SYNE2: variants seen among roughly 807,000 people sequenced by gnomAD.
SYNE2 encodes spectrin repeat containing nuclear envelope protein 2.
SYNE2 carries 431 observed loss-of-function variants against 856.3 expected under a neutral mutation model. The observed-to-expected ratio is 0.50, with a 90% CI of 0.47 to 0.55. The LOEUF is 0.55. Ranked by LOEUF, SYNE2 falls within the 20% of genes least tolerant of loss-of-function variation. SYNE2 has a pLI of 0.00. For synonymous variants in SYNE2, 2,923 were observed against 2,872.3 expected (o/e 1.02, Z -0.56); for missense variants, 8,129 against 8,023.2 (o/e 1.01, Z -0.50).
chr14:64,075,911 C>G (rs2097454890), intron 53 of SYNE2, 34 bp from the exon 54 acceptor site: 5 of 1,611,764 alleles, frequency 3.1e-6, no homozygotes, highest in Admixed American at 1.7e-5. Context: ...TTCCCCCAGT[C>G]TCGTGAGTAT....
At chr14:63,861,046 CTG>C (rs987537031) in intron 1 of SYNE2, among the ~76,000 whole-genome samples, 1 of 151,918 alleles carries the variant, frequency 6.6e-6, no homozygotes, top group Non-Finnish European at 1.5e-5. Flanking sequence ...ATGCTCCAGA[CTG>C]TGAACCATGG....
At chr14:63,765,884 T>C (rs1020491423) in intron 1 of SYNE2, among the ~76,000 whole-genome samples, 1 of 152,116 alleles carries the variant, frequency 6.6e-6, no homozygotes, top group Non-Finnish European at 1.5e-5. Context: ...TGCACGCCTG[T>C]AGTCCCAGCT....
chr14:64,002,656 T>G, intron 29 of SYNE2, 64 bp from the exon 30 acceptor site: 1 of 1,569,454 alleles, frequency 6.4e-7, no homozygotes, highest in Non-Finnish European at 8.6e-7. Flanking sequence ...TTGGGGCTAG[T>G]TTCTCACATG....
At chr14:63,861,798 A>G (rs1057259433) in intron 1 of SYNE2, among the ~76,000 whole-genome samples, 45 of 152,196 alleles carry the variant, frequency 3.0e-4, no homozygotes, top group Admixed American at 7.2e-4. Flanking sequence ...AACAAATTCA[A>G]TTTTACTATG....
At chr14:63,781,271 T>A (rs994299551) in intron 1 of SYNE2, among the ~76,000 whole-genome samples, 2 of 129,890 alleles carry the variant, frequency 1.5e-5, no homozygotes, top group East Asian at 4.4e-4. Context: ...AGAGTGAAAC[T>A]CCAACTCAAA....
chr14:63,954,832 A>G lies in SYNE2; in HGVS notation c.704A>G (p.His235Arg). ...CTAATTGACATGAAGAGTGTGAAGC[A>G]TAGATCCAACAAAGACAATCTGAGA... ...PDLIDMKSVKHRSNKDNLREA... is the reference protein window; with the variant it reads ...PDLIDMKSVKRRSNKDNLREA... The change falls in exon 8 of 116, where the codon CAT becomes CGT. Residue 235 changes from histidine (H) to arginine (R), a missense_variant. This residue lies in a region of SYNE2 where 2,422 missense variants were observed against 2,357.4 expected (regional missense o/e 1.03). Coordinates refer to ENST00000555002, the MANE Select transcript of SYNE2 (RefSeq NM_182914.3). 1 of 1,614,108 alleles carries G rather than the reference A, an allele frequency of 6.2e-7. No individual in the cohort carries two copies. Among genetic ancestry groups the G allele is most frequent in the Non-Finnish European group, 8.5e-7 (1 of 1,179,978 alleles).
intron 21 of SYNE2, 78 bp downstream of exon 21, chr14:63,991,193 C>A: frequency 7.2e-7 from 1 of 1,390,576 alleles, no homozygotes; most frequent in Non-Finnish European, 1.0e-6. Context: ...ATGTTTCCTT[C>A]ACTGTAATTA....
At position 64,128,461 on chromosome 14, in the gene SYNE2, A is replaced by G; in HGVS notation, c.13927A>G (p.Lys4643Glu). 6.5e-7 allele frequency: 1 copy of G among 1,546,752 alleles called. No homozygotes were observed. The change falls in exon 74 of 116, where the codon AAG becomes GAG. Residue 4643 changes from lysine (K) to glutamate (E), a missense_variant. This residue lies in a region of SYNE2 where 5,410 missense variants were observed against 5,284.8 expected (regional missense o/e 1.02). Transcript: ENST00000555002. ...GACATTTATCTTACAGAATGAAATAAAGAGATTATATCATCAGCTCATTAA... is the reference window on the plus strand; with the variant it reads ...GACATTTATCTTACAGAATGAAATAGAGAGATTATATCATCAGCTCATTAA... ...DYNRSYQNEIKRLYHQLIKSK... is the reference protein window; with the variant it reads ...DYNRSYQNEIERLYHQLIKSK...
intron 1 of SYNE2, among the ~76,000 whole-genome samples, chr14:63,765,072 C>T (rs901629668): frequency 2.6e-5 from 4 of 152,208 alleles, no homozygotes; most frequent in African/African-American, 9.6e-5. Flanking sequence ...GGAGCAGGAG[C>T]CCCTGAGGAA....
intron 1 of SYNE2, among the ~76,000 whole-genome samples, chr14:63,879,131 G>A (rs2094798154): frequency 6.6e-6 from 1 of 152,160 alleles, no homozygotes; most frequent in African/African-American, 2.4e-5. Context: ...AGACTGTAAT[G>A]GGAGAAACTG....
intron 51 of SYNE2, among the ~76,000 whole-genome samples, chr14:64,068,861 C>CAAAAAA: frequency 1.3e-5 from 1 of 76,642 alleles, no homozygotes. Flanking sequence ...GACTCCGTCT[C>CAAAAAA]AAAAAAAAAA....
At chr14:63,918,951 C>A (rs1031235354) in intron 2 of SYNE2, among the ~76,000 whole-genome samples, 1 of 152,152 alleles carries the variant, frequency 6.6e-6, no homozygotes, top group Non-Finnish European at 1.5e-5. Flanking sequence ...TGTATATCTC[C>A]GTCTGCCTCC....
Position 64,175,015 on chromosome 14 carries a change from G to T in SYNE2, c.17307G>T (p.Leu5769=). 1 of 1,614,120 alleles carries T rather than the reference G, an allele frequency of 6.2e-7. No homozygotes were observed. Residue 5769 remains leucine, a synonymous_variant, in exon 95 of 116, where the codon CTG becomes CTT. Coordinates refer to ENST00000555002, the MANE Select transcript of SYNE2 (RefSeq NM_182914.3). ...ALTLEAGEKL[L]LTTDLKTKES... ...CCTTGGAAGCTGGAGAAAAGTTACT[G>T]CTCACAACTGACCTGAAAACTAAAG...
intron 54 of SYNE2, among the ~76,000 whole-genome samples, chr14:64,077,634 GTTGT>G (rs2097476135): frequency 3.9e-5 from 1 of 25,488 alleles, no homozygotes; most frequent in Non-Finnish European, 1.2e-4. Context: ...TACAGATAGA[GTTGT>G]TTTTTTTTTT....
intron 2 of SYNE2, among the ~76,000 whole-genome samples, chr14:63,917,664 T>C (rs2153370102): frequency 6.6e-6 from 1 of 152,008 alleles, no homozygotes; most frequent in African/African-American, 2.4e-5. Flanking sequence ...GAGACGGGGT[T>C]TCTCCATGTT....
At chr14:64,160,608 T>G (rs1030305841) in intron 87 of SYNE2, among the ~76,000 whole-genome samples, 2 of 152,244 alleles carry the variant, frequency 1.3e-5, no homozygotes, top group Non-Finnish European at 2.9e-5. Flanking sequence ...TAAAGCAGTG[T>G]GCTATTTTCC....
At chr14:64,224,973 C>T (rs1319001747) in intron 114 of SYNE2, 26 bp from the exon 115 acceptor site, 5 of 1,608,314 alleles carry the variant, frequency 3.1e-6, no homozygotes, top group Non-Finnish European at 4.3e-6. Flanking sequence ...CTTCAACTTA[C>T]TAACTGGAGT....
rs370289757 is a variant in SYNE2, at chr14:64,219,101, TTTG to T, written c.19658-104_19658-102del. ...TGTCAGGGGAATCCCCTACAGTTTT[TTTG>T]TTTTTTTTTTTTTTTTTTTTAACCA... On this transcript the variant is annotated intron_variant, in intron 109 of 115. Transcript: ENST00000555002. The T allele has an allele frequency of 0.011, 7,757 of 679,612 alleles. 181 individuals are homozygous for T. Among genetic ancestry groups the T allele is most frequent in the Middle Eastern group, 0.016 (34 of 2,132 alleles). 42.1% of individuals were successfully genotyped at this position (679,612 alleles called of 1,614,324 possible). A position where few individuals can be genotyped will look rare whatever the true frequency, so the allele number is the denominator to read the frequency against.
chr14:63,774,925 A>G (rs946096310), intron 1 of SYNE2, among the ~76,000 whole-genome samples: 5 of 152,156 alleles, frequency 3.3e-5, no homozygotes, highest in African/African-American at 1.2e-4. Flanking sequence ...ACAATGTAGG[A>G]AGGGCAATCT....
Sources: allele counts gnomAD v4.1 joint callset (sites outside exome capture counted in the v4.1 genomes callset), GRCh38; gene constraint gnomAD v4.1.1; regional missense constraint gnomAD v4.1.1; transcripts MANE v1.5; gene names NCBI Gene and HGNC (gene_info 2026-07-23, HGNC 2026-07-21).